Variants in CTNNA2 observed in about 807,000 individuals in gnomAD.
CTNNA2 encodes the protein catenin alpha 2.
CTNNA2 carries 42 observed loss-of-function variants against 101.0 expected under a neutral mutation model. The ratio of observed to expected loss-of-function variants is 0.42; its 90% CI spans 0.32 to 0.54. The LOEUF (loss-of-function observed/expected upper bound fraction) is 0.54, where lower values mean the gene tolerates loss of function less well. Ranked by LOEUF, CTNNA2 falls within the 20% of genes least tolerant of loss-of-function variation. The pLI, the probability that CTNNA2 is intolerant of heterozygous loss-of-function variation, is 0.14. For missense variants in CTNNA2, 871 were observed against 1,223.1 expected (o/e 0.71, Z 4.29); for synonymous variants, 450 against 456.4 (o/e 0.99, Z 0.18).
intron 2 of CTNNA2, among the ~76,000 whole-genome samples, chr2:79,229,128 T>C (rs1177483506): frequency 6.6e-6 from 1 of 152,182 alleles, no homozygotes; most frequent in African/African-American, 2.4e-5. Context: ...TGTTTTTGTA[T>C]CTGTACCATG....
At chr2:79,485,661 C>G (rs1196216206) in intron 4 of CTNNA2, among the ~76,000 whole-genome samples, 2 of 152,186 alleles carry the variant, frequency 1.3e-5, no homozygotes, top group Non-Finnish European at 2.9e-5. Context: ...GCTTTCTCTA[C>G]CCAGTAGCCT....
chr2:80,140,410 C>G (rs1325633200), intron 7 of CTNNA2, among the ~76,000 whole-genome samples: 1 of 152,170 alleles, frequency 6.6e-6, no homozygotes, highest in Non-Finnish European at 1.5e-5. Flanking sequence ...TACAGCCCAG[C>G]TGTGAAGCAT....
At chr2:80,596,676 C>A (rs1040498001) in intron 15 of CTNNA2, among the ~76,000 whole-genome samples, 1 of 152,078 alleles carries the variant, frequency 6.6e-6, no homozygotes, top group Non-Finnish European at 1.5e-5. Flanking sequence ...GACTTCTTTT[C>A]TTTCTATTTG....
chr2:79,365,359 A>T (rs1677722434), intron 3 of CTNNA2, among the ~76,000 whole-genome samples: 1 of 152,182 alleles, frequency 6.6e-6, no homozygotes, highest in Non-Finnish European at 1.5e-5. Flanking sequence ...GTGGTGTCTC[A>T]CACCTGTAAT....
At chr2:80,047,082 C>G (rs538256910) in intron 7 of CTNNA2, among the ~76,000 whole-genome samples, 1 of 152,104 alleles carries the variant, frequency 6.6e-6, no homozygotes, top group African/African-American at 2.4e-5. Flanking sequence ...GGGGTAAAAT[C>G]AGCCCTGGTT....
intron 7 of CTNNA2, among the ~76,000 whole-genome samples, chr2:80,193,042 T>C (rs2149001059): frequency 6.6e-6 from 1 of 152,306 alleles, no homozygotes; most frequent in African/African-American, 2.4e-5. Context: ...GAAATTACTG[T>C]CCCTCAATTC....
At chr2:79,711,465 A>G (rs537395360) in intron 2 of CTNNA2, among the ~76,000 whole-genome samples, 1 of 152,298 alleles carries the variant, frequency 6.6e-6, no homozygotes, top group Non-Finnish European at 1.5e-5. Context: ...GAAGGGAGGA[A>G]CTGAGATAAA....
chr2:80,090,154 G>C (rs879927898), intron 7 of CTNNA2, among the ~76,000 whole-genome samples: 6,149 of 62,788 alleles, frequency 0.098, 228 homozygotes, highest in African/African-American at 0.26. Flanking sequence ...CTCTGTGTGT[G>C]TGTGTGTGTG....
intron 9 of CTNNA2, among the ~76,000 whole-genome samples, chr2:80,480,329 T>C (rs898775031): frequency 2.0e-5 from 3 of 152,056 alleles, no homozygotes; most frequent in Non-Finnish European, 4.4e-5. Context: ...TAAAATTTAT[T>C]ATAAAATCTA....
At chr2:80,131,354 A>G (rs931099795) in intron 7 of CTNNA2, among the ~76,000 whole-genome samples, 3 of 152,098 alleles carry the variant, frequency 2.0e-5, no homozygotes, top group Admixed American at 1.3e-4. Flanking sequence ...CCACTGTACT[A>G]TGGTCATGTA....
At chr2:79,525,468 C>G (rs1330105693) in intron 1 of CTNNA2, among the ~76,000 whole-genome samples, 1 of 151,812 alleles carries the variant, frequency 6.6e-6, no homozygotes, top group Non-Finnish European at 1.5e-5. Context: ...ATTAATGAAC[C>G]CATCATCTTA....
At chr2:80,559,891 T>TTTATATATATATATATATACAC (rs67796030) in intron 12 of CTNNA2, among the ~76,000 whole-genome samples, 3 of 146,818 alleles carry the variant, frequency 2.0e-5, no homozygotes, top group South Asian at 2.1e-4. Flanking sequence ...TATATATATA[T>TTTATATATATATATATATACAC]ACACACACAT....
chr2:79,424,019 T>C (rs1039709440), intron 4 of CTNNA2, among the ~76,000 whole-genome samples: 35 of 152,008 alleles, frequency 2.3e-4, no homozygotes, highest in South Asian at 8.3e-4. Context: ...TTGTGATTTG[T>C]CCAAAAAATA....
intron 7 of CTNNA2, among the ~76,000 whole-genome samples, chr2:80,309,906 C>T (rs1677386212): frequency 7.4e-6 from 1 of 135,170 alleles, no homozygotes; most frequent in African/African-American, 2.8e-5. Context: ...ACACAGAAGT[C>T]ACAAAGATTA....
chr2:79,891,772 G>A (rs1684323584), intron 6 of CTNNA2, among the ~76,000 whole-genome samples: 1 of 152,056 alleles, frequency 6.6e-6, no homozygotes, highest in East Asian at 1.9e-4. Context: ...TTTTCCTGAA[G>A]TAAGTAGGAA....
At chr2:80,043,039 CCT>C (rs1491224112) in intron 7 of CTNNA2, among the ~76,000 whole-genome samples, 1 of 50,404 alleles carries the variant, frequency 2.0e-5, no homozygotes, top group African/African-American at 7.6e-5. Flanking sequence ...TTCTTTCTTT[CCT>C]TCTTTCTTTC....
At chr2:80,520,922 G>T (rs1057364213) in intron 9 of CTNNA2, among the ~76,000 whole-genome samples, 2 of 152,084 alleles carry the variant, frequency 1.3e-5, no homozygotes, top group African/African-American at 2.4e-5. Context: ...ATGATCCAAG[G>T]TCCTGTTCAA....
chr2:79,611,915 A>C (rs1254896456), intron 1 of CTNNA2, among the ~76,000 whole-genome samples: 1 of 152,132 alleles, frequency 6.6e-6, no homozygotes, highest in Non-Finnish European at 1.5e-5. Flanking sequence ...GTTGACACAG[A>C]AGGGCTGTTT....
intron 4 of CTNNA2, among the ~76,000 whole-genome samples, chr2:79,476,396 C>T (rs974676133): frequency 1.3e-5 from 2 of 152,168 alleles, no homozygotes; most frequent in African/African-American, 4.8e-5. Flanking sequence ...CAGATTGCAG[C>T]CTGGCTATTT....
Sources: gnomAD v4.1 joint callset for allele counts (sites outside exome capture counted in the v4.1 genomes callset) on GRCh38, gnomAD v4.1.1 for gene constraint, MANE v1.5 for transcripts, NCBI Gene and HGNC (gene_info 2026-07-23, HGNC 2026-07-21) for gene names.